AKR1C1: variants seen among roughly 807,000 people sequenced by gnomAD.
AKR1C1 encodes the protein aldo-keto reductase family 1 member C1, also known as 20 alpha-hydroxysteroid dehydrogenase.
AKR1C1 carries 32 observed loss-of-function variants against 40.6 expected under a neutral mutation model. The ratio of observed to expected loss-of-function variants is 0.79; its 90% CI spans 0.60 to 1.06. The LOEUF is 1.06. Ranked by LOEUF, AKR1C1 falls within the 50% of genes least tolerant of loss-of-function variation. The pLI is 0.00. For missense variants in AKR1C1, 320 were observed against 363.5 expected (o/e 0.88, Z 0.97); for synonymous variants, 105 against 134.2 (o/e 0.78, Z 1.50).
chr10:4,969,570 A>T, intron 5 of AKR1C1: 2 of 1,263,364 alleles, frequency 1.6e-6, no homozygotes, highest in South Asian at 1.3e-5. Flanking sequence ...CAGAACATGG[A>T]GCTGACCTAT....
intron 7 of AKR1C1, 69 bp downstream of exon 7, chr10:4,972,818 C>T: frequency 6.4e-7 from 1 of 1,558,734 alleles, no homozygotes; most frequent in South Asian, 1.2e-5. Flanking sequence ...TCTTGTAAGG[C>T]TCTCAGGACA....
At position 4,982,913 on chromosome 10, in the gene AKR1C1, C is replaced by T; in HGVS notation, c.*5171C>T. 2.2e-6 allele frequency: 1 copy of T among 448,042 alleles called. No homozygotes were observed. The highest frequency in any genetic ancestry group is 4.5e-6 in the Non-Finnish European group (1 of 223,496). 27.8% of individuals were successfully genotyped at this position (448,042 alleles called of 1,614,324 possible). On this transcript the variant is annotated 3_prime_UTR_variant, in exon 9 of 9. Coordinates refer to ENST00000380872, the MANE Select transcript of AKR1C1 (RefSeq NM_001353.6). Reference sequence around the variant, plus strand: ...CAGTCAGAGGTCTTGAGTCGGTCCGCATGACAAGTTCACCGCTCGCATAAC... The same window carrying T: ...CAGTCAGAGGTCTTGAGTCGGTCCGTATGACAAGTTCACCGCTCGCATAAC...
chr10:4,963,878 A>G, intron 1 of AKR1C1: 1 of 765,814 alleles, frequency 1.3e-6, no homozygotes, highest in African/African-American at 1.7e-5. Context: ...AATTCAGAGG[A>G]ATTTTTATGG....
At position 4,969,106 on chromosome 10, in the gene AKR1C1, G is replaced by A. The variant is rs74111915; in HGVS notation, c.570+162G>A. On this transcript the variant is annotated intron_variant, in intron 5 of 8. Coordinates refer to ENST00000380872, the MANE Select transcript of AKR1C1 (RefSeq NM_001353.6). ...GCATAGAGGGATCTTACTTGTACCC[G>A]GCTTAGAAAAGTCTTAGAAAAGGTG... is the stretch of plus-strand genomic sequence containing the variant. Among the ~76,000 whole-genome samples, 736 of 152,242 alleles carry A rather than the reference G, an allele frequency of 4.8e-3. 6 individuals carry two copies. The highest frequency in any genetic ancestry group is 0.017 in the African/African-American group (687 of 41,542).
At chr10:4,974,418 A>G (rs1196034959) in intron 7 of AKR1C1, among the ~76,000 whole-genome samples, 2 of 151,958 alleles carry the variant, frequency 1.3e-5, no homozygotes, top group Non-Finnish European at 2.9e-5. Context: ...GTTTTCACAA[A>G]CAAAAGTTTC....
chr10:4,972,902 C>T (rs1351797911), intron 7 of AKR1C1, among the ~76,000 whole-genome samples, 153 bp downstream of exon 7: 2 of 152,276 alleles, frequency 1.3e-5, no homozygotes, highest in Admixed American at 1.3e-4. Flanking sequence ...GTTTCTTCTA[C>T]TCTAGCACAG....
rs1836607253 is a variant in AKR1C1 at position 4,981,055 on chromosome 10, T to C, written c.*3313T>C. 1 of 152,230 alleles carries C rather than the reference T, an allele frequency of 6.6e-6. No individual in the cohort carries two copies. The highest frequency in any genetic ancestry group is 1.5e-5 in the Non-Finnish European group (1 of 68,030). The allele number at this position is 152,230 out of a possible 1,614,324, so 9.4% of individuals were successfully genotyped here. On this transcript the variant is annotated 3_prime_UTR_variant, in exon 9 of 9. Transcript: ENST00000380872. The stretch of plus-strand genomic sequence containing the variant: ...GAACAGTAATCTCTTTCAACCTCTG[T>C]AAGAGAGTTCTTGGTTGATTAGGTA...
At chr10:4,977,023 G>A (rs372891236) in intron 8 of AKR1C1, among the ~76,000 whole-genome samples, 3 of 152,170 alleles carry the variant, frequency 2.0e-5, no homozygotes, top group African/African-American at 4.8e-5. Context: ...AACCACTTGC[G>A]AGCTTCCAAG....
intron 5 of AKR1C1, chr10:4,969,747 C>T (rs1430816274): frequency 2.5e-6 from 4 of 1,610,720 alleles, no homozygotes. Context: ...ATTGACTGTC[C>T]CCAAATGTTA....
chr10:4,967,224 A>C, intron 3 of AKR1C1, 181 bp downstream of exon 3: 1 of 992,366 alleles, frequency 1.0e-6, no homozygotes, highest in Non-Finnish European at 1.4e-6. Context: ...TACTTCCGTG[A>C]TTGCATGTCT....
intron 5 of AKR1C1, chr10:4,969,737 A>G: frequency 1.2e-6 from 2 of 1,611,830 alleles, no homozygotes; most frequent in Non-Finnish European, 8.5e-7. Context: ...CCTTGATCAA[A>G]TTGACTGTCC....
intron 6 of AKR1C1, 76 bp downstream of exon 6, chr10:4,972,386 G>A: frequency 6.3e-7 from 1 of 1,580,184 alleles, no homozygotes; most frequent in Non-Finnish European, 8.6e-7. Context: ...GCTGTTTCCT[G>A]GAGTTCACTC....
At position 4,968,088 on chromosome 10, in the gene AKR1C1, T is replaced by A. The variant is rs927283232; in HGVS notation, c.370-221T>A. On this transcript the variant is annotated intron_variant, in intron 3 of 8. Coordinates refer to ENST00000380872, the MANE Select transcript of AKR1C1 (RefSeq NM_001353.6). ...CACTCCATTAGGAACCAGAAAGAGG[T>A]ATTTATTTATACATGTAATAGTTGT... 6.4e-4 allele frequency: 591 copies of A among 916,758 alleles called. 1 individual carries two copies. Among genetic ancestry groups the A allele is most frequent in the Non-Finnish European group, 8.5e-4 (539 of 633,998 alleles). 56.8% of individuals were successfully genotyped at this position (916,758 alleles called of 1,614,324 possible).
intron 2 of AKR1C1, 81 bp downstream of exon 2, chr10:4,966,162 A>T: frequency 6.6e-7 from 1 of 1,521,562 alleles, no homozygotes; most frequent in Non-Finnish European, 8.8e-7. Flanking sequence ...CTGGATCCAT[A>T]GTATAGGGTG....
At chr10:4,967,414 C>T (rs973433989) in intron 3 of AKR1C1, 20 of 1,015,864 alleles carry the variant, frequency 2.0e-5, no homozygotes, top group Non-Finnish European at 2.4e-5. Flanking sequence ...ACATAGGGTG[C>T]ACAATGAGTT....
chr10:4,967,079 T>G, intron 3 of AKR1C1, 36 bp downstream of exon 3: 2 of 1,578,538 alleles, frequency 1.3e-6, no homozygotes, highest in Non-Finnish European at 1.7e-6. Flanking sequence ...ATTTCACTTT[T>G]GTTCTCAGCA....
rs1836361172 is a variant in AKR1C1 at position 4,968,324 on chromosome 10, A to T, written c.385A>T (p.Ile129Phe). ...PVSVKPGEEV[I>F]PKDENGKILF... ...TCTACTTCAGCCAGGTGAGGAAGTG[A>T]TCCCAAAAGATGAAAATGGAAAAAT... Residue 129 changes from isoleucine to phenylalanine, a missense_variant, in exon 4 of 9, where the codon ATC (isoleucine) becomes TTC (phenylalanine). Physicochemically the swap from Ile to Phe is conservative, Grantham distance 21. Transcript: ENST00000380872. The T allele has an allele frequency of 3.2e-6, 5 of 1,558,736 alleles. No homozygotes were observed. In the South Asian group the frequency reaches 6.0e-5, roughly 19 times the overall value.
At chr10:4,977,594 A>T in intron 8 of AKR1C1, 106 bp from the exon 9 acceptor site, 1 of 1,302,342 alleles carries the variant, frequency 7.7e-7, no homozygotes, top group Non-Finnish European at 1.1e-6. Flanking sequence ...CAGAAAATGA[A>T]CTTCTTAACA....
At chr10:4,969,804 A>G (rs1836395368) in intron 5 of AKR1C1, 2 of 1,518,794 alleles carry the variant, frequency 1.3e-6, no homozygotes, top group East Asian at 4.7e-5. Flanking sequence ...AGTAAATTAC[A>G]TTTTTTTGTT....
Sources: allele counts gnomAD v4.1 joint callset (sites outside exome capture counted in the v4.1 genomes callset), GRCh38; gene constraint gnomAD v4.1.1; transcripts MANE v1.5; gene names NCBI Gene and HGNC (gene_info 2026-07-23, HGNC 2026-07-21).